Variants in PTPRN2 observed in about 807,000 individuals in gnomAD.
The protein encoded by PTPRN2 is receptor-type tyrosine-protein phosphatase N2.
A neutral mutation model predicts 118.8 loss-of-function variants in PTPRN2; 74 were observed. That is an observed-to-expected ratio of 0.62 (90% CI 0.52 to 0.76). PTPRN2 has a LOEUF of 0.76. Ranked by LOEUF, PTPRN2 falls within the 30% of genes least tolerant of loss-of-function variation. The pLI, the probability that PTPRN2 is intolerant of heterozygous loss-of-function variation, is 0.00. For missense variants in PTPRN2, 1,481 were observed against 1,394.4 expected, an observed-to-expected ratio of 1.06 and a Z score of -0.99; for synonymous variants, 641 against 608.0, an observed-to-expected ratio of 1.05 and a Z score of -0.80.
intron 12 of PTPRN2, among the ~76,000 whole-genome samples, chr7:157,692,145 C>G (rs796526787): frequency 6.6e-6 from 1 of 152,284 alleles, no homozygotes; most frequent in African/African-American, 2.4e-5. Flanking sequence ...CCCTCCTAGG[C>G]CCCCCTCTCC....
chr7:158,145,968 G>A (rs950993210), intron 6 of PTPRN2, among the ~76,000 whole-genome samples: 1 of 152,178 alleles, frequency 6.6e-6, no homozygotes, highest in Non-Finnish European at 1.5e-5. Context: ...TGACAAGTGA[G>A]GCATGGGCCC....
chr7:158,245,181 CCGGAA>C (rs1253836729), intron 3 of PTPRN2, among the ~76,000 whole-genome samples: 4 of 100,340 alleles, frequency 4.0e-5, no homozygotes, highest in African/African-American at 7.7e-5. Context: ...CATGGCCATG[CCGGAA>C]TCCGTGGTCA....
Position 158,011,994 on chromosome 7 carries a change from C to T in PTPRN2, c.1723+69304G>A, listed in dbSNP as rs371646481. Among the ~76,000 whole-genome samples, 415 of 152,232 alleles carry T rather than the reference C, an allele frequency of 2.7e-3. 2 individuals are homozygous for T. The highest frequency in any genetic ancestry group is 9.7e-3 in the African/African-American group (402 of 41,530). On this transcript the variant is annotated intron_variant, in intron 11 of 22. Coordinates refer to ENST00000389418, the MANE Select transcript of PTPRN2 (RefSeq NM_002847.5). ...AGAGATCAAATATTCCATAACTCACCAAAGACTTCAGAATCAACTTGGGTG... is the reference window on the plus strand; with the variant it reads ...AGAGATCAAATATTCCATAACTCACTAAAGACTTCAGAATCAACTTGGGTG...
At chr7:158,193,936 G>T (rs952226870) in intron 4 of PTPRN2, among the ~76,000 whole-genome samples, 2 of 149,440 alleles carry the variant, frequency 1.3e-5, no homozygotes, top group Non-Finnish European at 1.5e-5. Context: ...GGAATATAAT[G>T]TGAGGCCGGC....
At chr7:158,318,542 G>A (rs914690924) in intron 2 of PTPRN2, among the ~76,000 whole-genome samples, 1 of 152,174 alleles carries the variant, frequency 6.6e-6, no homozygotes, top group Non-Finnish European at 1.5e-5. Context: ...GCCCAAGTCA[G>A]TGACCACCTA....
At chr7:158,479,664 C>G (rs1036292396) in intron 2 of PTPRN2, among the ~76,000 whole-genome samples, 18 of 152,244 alleles carry the variant, frequency 1.2e-4, no homozygotes, top group Admixed American at 5.2e-4. Flanking sequence ...GAGAGATCTA[C>G]GCTCTGTGAA....
At chr7:157,626,849 C>T (rs929085648) in intron 14 of PTPRN2, among the ~76,000 whole-genome samples, 1 of 152,168 alleles carries the variant, frequency 6.6e-6, no homozygotes, top group African/African-American at 2.4e-5. Flanking sequence ...AGAACTTCTC[C>T]AAAAAGGAGC....
chr7:158,374,590 C>G (rs544379082), intron 2 of PTPRN2, among the ~76,000 whole-genome samples: 38 of 152,300 alleles, frequency 2.5e-4, no homozygotes, highest in African/African-American at 8.4e-4. Context: ...AGCCCGTCAA[C>G]AGGAAAGTGG....
intron 3 of PTPRN2, among the ~76,000 whole-genome samples, chr7:158,313,329 CTG>C (rs1394995590): frequency 6.6e-6 from 1 of 152,230 alleles, no homozygotes; most frequent in Admixed American, 6.5e-5. Flanking sequence ...CACCCCACAG[CTG>C]TGTCAGAACC....
chr7:157,628,966 T>A lies in PTPRN2; in HGVS notation c.2197-7457A>T, dbSNP rs145535132. ...TAGGAAATGCCTGTTTAAGAGACTA[T>A]GTGACACTAAACTGCTAGTTAACAA... On this transcript the variant is annotated intron_variant, in intron 14 of 22. Transcript: ENST00000389418. Among the ~76,000 whole-genome samples, 336 of 152,306 alleles carry A rather than the reference T, an allele frequency of 2.2e-3. 1 individual carries two copies. Among genetic ancestry groups the A allele is most frequent in the African/African-American group, 7.7e-3 (321 of 41,572 alleles).
At chr7:158,025,504 C>T (rs1343431632) in intron 11 of PTPRN2, among the ~76,000 whole-genome samples, 3 of 152,122 alleles carry the variant, frequency 2.0e-5, no homozygotes, top group South Asian at 4.1e-4. Context: ...CTTTAATAGC[C>T]CTGTGGGAAC....
At chr7:157,635,930 C>T (rs181776836) in intron 14 of PTPRN2, among the ~76,000 whole-genome samples, 109 of 152,354 alleles carry the variant, frequency 7.2e-4, no homozygotes, top group Non-Finnish European at 1.3e-3. Context: ...TATTCATTCA[C>T]TTTCAAAAAT....
At chr7:157,722,202 G>A (rs968493115) in intron 12 of PTPRN2, among the ~76,000 whole-genome samples, 1 of 152,348 alleles carries the variant, frequency 6.6e-6, no homozygotes. Flanking sequence ...CCCACTTCAC[G>A]GCTGGTGGGA....
intron 14 of PTPRN2, among the ~76,000 whole-genome samples, chr7:157,642,839 AAAAAAG>A (rs1335170822): frequency 2.7e-5 from 4 of 148,450 alleles, no homozygotes; most frequent in East Asian, 4.1e-4. Flanking sequence ...AAAAAAAAAA[AAAAAAG>A]CAGCTAAAAC....
intron 2 of PTPRN2, among the ~76,000 whole-genome samples, chr7:158,423,536 C>A (rs1815438857): frequency 1.6e-5 from 2 of 128,076 alleles, no homozygotes; most frequent in South Asian, 2.7e-4. Context: ...CCTCTGGTTC[C>A]TCATTTTTTT....
chr7:158,277,136 C>T lies in PTPRN2; in HGVS notation c.277+39683G>A, dbSNP rs565412864. 6.2e-4 allele frequency among the ~76,000 whole-genome samples: 95 copies of T among 152,204 alleles called. 1 individual carries two copies. The Middle Eastern group carries it at 0.014, about 22-fold the overall frequency. ...ACACACACACACACGTGCCCGCACA[C>T]GCACACACGCGCACATACACGTGCA... is the stretch of plus-strand genomic sequence containing the variant. On this transcript the variant is annotated intron_variant, in intron 3 of 22. Coordinates refer to ENST00000389418, the MANE Select transcript of PTPRN2 (RefSeq NM_002847.5).
chr7:157,752,928 A>G (rs1283470892), intron 12 of PTPRN2, among the ~76,000 whole-genome samples: 1 of 151,266 alleles, frequency 6.6e-6, no homozygotes, highest in Non-Finnish European at 1.5e-5. Flanking sequence ...ATCTGGCAGC[A>G]CCCACTCCTG....
At chr7:157,717,669 C>T (rs1798994544) in intron 12 of PTPRN2, among the ~76,000 whole-genome samples, 1 of 152,278 alleles carries the variant, frequency 6.6e-6, no homozygotes, top group South Asian at 2.1e-4. Context: ...AACCCAGCCT[C>T]TTCACCAGGT....
At chr7:157,582,366 A>C (rs1046987387) in intron 17 of PTPRN2, among the ~76,000 whole-genome samples, 6 of 152,218 alleles carry the variant, frequency 3.9e-5, no homozygotes, top group Non-Finnish European at 1.5e-5. Context: ...TTCTCCAAAG[A>C]AGACAGACAA....
Sources: allele counts gnomAD v4.1 joint callset (sites outside exome capture counted in the v4.1 genomes callset), GRCh38; gene constraint gnomAD v4.1.1; transcripts MANE v1.5; gene names NCBI Gene and HGNC (gene_info 2026-07-23, HGNC 2026-07-21).